Variants in DOCK11 observed in about 807,000 individuals in gnomAD.
DOCK11 encodes dedicator of cytokinesis protein 11.
Under a neutral mutation model 169.1 loss-of-function variants are expected in DOCK11, and 70 were observed. That is an observed-to-expected ratio of 0.41 (90% confidence interval 0.34 to 0.51). The LOEUF is 0.51. DOCK11 is among the 20% of genes least tolerant of loss of function. The pLI is 0.10. For synonymous variants in DOCK11, 529 were observed against 541.3 expected (o/e 0.98, Z 0.32); for missense variants, 1,166 against 1,538.8 (o/e 0.76, Z 4.05).
chrX:118,497,691 C>T (rs2057546726), intron 1 of DOCK11, among the ~76,000 whole-genome samples: 1 of 111,793 alleles, frequency 8.9e-6, no homozygotes, highest in Admixed American at 9.5e-5. Context: ...ATTGTTAACA[C>T]GTGATTCAAT....
chrX:118,508,077 G>C (rs5956067), intron 1 of DOCK11, among the ~76,000 whole-genome samples: 5,189 of 110,056 alleles, frequency 0.047, 325 homozygotes, highest in African/African-American at 0.16. Context: ...AAAAAAAAGA[G>C]GGATGGGGTT....
intron 31 of DOCK11, among the ~76,000 whole-genome samples, chrX:118,620,283 CCTTTT>C (rs1466250034): frequency 9.8e-5 from 11 of 111,714 alleles, no homozygotes; most frequent in African/African-American, 3.6e-4. Context: ...AATAATTTAT[CCTTTT>C]CTTTTTACAT....
At chrX:118,549,106 C>CTGTGTGTGTGTGTGTATG (rs755842631) in intron 6 of DOCK11, among the ~76,000 whole-genome samples, 42 of 99,119 alleles carry the variant, frequency 4.2e-4, no homozygotes, top group African/African-American at 1.5e-3. Context: ...TGCTCATATT[C>CTGTGTGTGTGTGTGTATG]TGTGTGTGTG....
At chrX:118,627,008 T>C (rs1183133260) in intron 32 of DOCK11, among the ~76,000 whole-genome samples, 1 of 112,060 alleles carries the variant, frequency 8.9e-6, no homozygotes. Context: ...GGCAGGAGGA[T>C]CACTTGAGTC....
chrX:118,607,053 C>CTTTCCT (rs1360985577), intron 24 of DOCK11, among the ~76,000 whole-genome samples: 33 of 106,476 alleles, frequency 3.1e-4, no homozygotes, highest in African/African-American at 8.6e-4. Flanking sequence ...TTTCCCTTTC[C>CTTTCCT]TTTCCTTTTC....
chrX:118,579,422 T>A (rs34580230), intron 13 of DOCK11, among the ~76,000 whole-genome samples: 52,185 of 110,566 alleles, frequency 0.47, 10,033 homozygotes, highest in African/African-American at 0.73. Flanking sequence ...TGTATTTATG[T>A]ACATCAATCT....
intron 45 of DOCK11, among the ~76,000 whole-genome samples, chrX:118,667,499 C>A (rs1372919745): frequency 1.8e-5 from 2 of 108,664 alleles, no homozygotes; most frequent in Non-Finnish European, 3.8e-5. Flanking sequence ...ACTTTGGCAC[C>A]TTGGTCAAAA....
At position 118,546,121 on chromosome X, in the gene DOCK11, G is replaced by T. The variant is rs904439093; in HGVS notation, c.558+5G>T. The T allele has an allele frequency of 4.6e-5, 49 of 1,067,588 alleles. No individual in the cohort carries two copies. Among genetic ancestry groups the T allele is most frequent in the Admixed American group, 7.2e-5 (3 of 41,676 alleles). 88.0% of individuals were successfully genotyped at this position (1,067,588 alleles called of 1,213,427 possible). On this transcript the variant is annotated splice_donor_5th_base_variant and intron_variant, in intron 6 of 52. Transcript: ENST00000276202. The stretch of plus-strand genomic sequence containing the variant: ...ACCATCACAGTAACCATGAAGGTAG[G>T]AAGTAGTTATTATATTATTCCATCA...
At chrX:118,655,104 C>A in intron 44 of DOCK11, 143 bp downstream of exon 44, 1 of 549,187 alleles carries the variant, frequency 1.8e-6, no homozygotes, top group Non-Finnish European at 2.9e-6. Context: ...TAAAAATAAG[C>A]TGTTATAAAA....
At chrX:118,573,069 A>G (rs2013330222) in intron 11 of DOCK11, among the ~76,000 whole-genome samples, 1 of 112,495 alleles carries the variant, frequency 8.9e-6, no homozygotes, top group African/African-American at 3.2e-5. Context: ...GCTCTCATGG[A>G]TCATTTGAGT....
At chrX:118,611,287 C>T (rs756598025) in intron 28 of DOCK11, among the ~76,000 whole-genome samples, 1 of 112,168 alleles carries the variant, frequency 8.9e-6, no homozygotes, top group African/African-American at 3.2e-5. Flanking sequence ...ACAAATTTGT[C>T]CCCATCCCCC....
chrX:118,647,775 TA>T (rs755824756), intron 40 of DOCK11, among the ~76,000 whole-genome samples: 2 of 32,725 alleles, frequency 6.1e-5, no homozygotes, highest in African/African-American at 1.6e-4. Context: ...TTATAATATA[TA>T]ATAATATATA....
chrX:118,646,826 T>A (rs2015683170), intron 40 of DOCK11, among the ~76,000 whole-genome samples: 1 of 111,758 alleles, frequency 8.9e-6, no homozygotes, highest in Admixed American at 9.6e-5. Context: ...TAAGGTGAAA[T>A]AAAGGGTAGA....
chrX:118,598,153 C>T (rs1365752406), intron 22 of DOCK11, 37 bp downstream of exon 22: 1 of 1,049,974 alleles, frequency 9.5e-7, no homozygotes, highest in South Asian at 2.1e-5. Flanking sequence ...AATTTTTATA[C>T]TTGAGTTTGT....
chrX:118,616,225 C>T (rs1194763503), intron 30 of DOCK11: 42 of 962,164 alleles, frequency 4.4e-5, no homozygotes, highest in Non-Finnish European at 4.8e-5. Context: ...TGCGGTGGAC[C>T]GTTTGACTTC....
chrX:118,550,907 A>G (rs1238471053), intron 6 of DOCK11, among the ~76,000 whole-genome samples: 1 of 111,811 alleles, frequency 8.9e-6, no homozygotes, highest in African/African-American at 3.3e-5. Flanking sequence ...TTTGAAGTGA[A>G]GAATACTAAT....
chrX:118,641,328 C>T (rs749777279), intron 39 of DOCK11, 23 bp downstream of exon 39: 2 of 1,054,349 alleles, frequency 1.9e-6, no homozygotes, highest in Non-Finnish European at 2.6e-6. Flanking sequence ...AGTTATAATT[C>T]AGTTGGTACC....
chrX:118,504,509 G>T (rs2057597662), intron 1 of DOCK11, among the ~76,000 whole-genome samples: 1 of 111,957 alleles, frequency 8.9e-6, no homozygotes, highest in Admixed American at 9.5e-5. Flanking sequence ...CTGTCTGATT[G>T]TGCTTTCTCC....
At chrX:118,589,511 G>A (rs1430446944) in intron 18 of DOCK11, among the ~76,000 whole-genome samples, 1 of 111,731 alleles carries the variant, frequency 9.0e-6, no homozygotes, top group African/African-American at 3.3e-5. Context: ...CAATTAGTAC[G>A]TTGGCATGCT....
Sources: allele counts gnomAD v4.1 joint callset (sites outside exome capture counted in the v4.1 genomes callset), GRCh38; gene constraint gnomAD v4.1.1; transcripts MANE v1.5; gene names NCBI Gene and HGNC (gene_info 2026-07-23, HGNC 2026-07-21).